Variants in TNK2 observed in about 807,000 individuals in gnomAD.
The protein encoded by TNK2 is tyrosine kinase non receptor 2.
TNK2 carries 83 observed loss-of-function variants against 101.8 expected under a neutral mutation model. The observed-to-expected ratio is 0.82, with a 90% confidence interval of 0.68 to 0.98. The LOEUF (loss-of-function observed/expected upper bound fraction) is 0.98. Ranked by LOEUF, TNK2 falls within the 50% of genes least tolerant of loss-of-function variation. The pLI is 0.00. For missense variants in TNK2, 1,665 were observed against 1,483.2 expected (o/e 1.12, Z -2.01); for synonymous variants, 804 against 633.0 (o/e 1.27, Z -4.06).
At chr3:195,873,840 C>T (rs113282909) in intron 9 of TNK2, among the ~76,000 whole-genome samples, 7,050 of 151,542 alleles carry the variant, frequency 0.047, 188 homozygotes, top group Non-Finnish European at 0.06. Flanking sequence ...GCGCGGGGCG[C>T]GGGGAGACGG....
chr3:195,866,269 C>A (rs1334313833), intron 15 of TNK2, among the ~76,000 whole-genome samples: 2 of 151,988 alleles, frequency 1.3e-5, no homozygotes, highest in African/African-American at 4.8e-5. Context: ...GGTGCAATCT[C>A]AGCTCACAGC....
intron 1 of TNK2, chr3:195,895,572 TC>T (rs1760251409): frequency 7.6e-7 from 1 of 1,313,810 alleles, no homozygotes. Context: ...GGGGCGCGGC[TC>T]CCACCCTCTC....
chr3:195,901,812 C>G (rs1761235753), intron 1 of TNK2, among the ~76,000 whole-genome samples: 1 of 152,196 alleles, frequency 6.6e-6, no homozygotes, highest in African/African-American at 2.4e-5. Context: ...AAAGGTAAAG[C>G]CAGCATTCAG....
At position 195,886,943 on chromosome 3, in the gene TNK2, C is replaced by T. The variant is rs1400265229; in HGVS notation, c.234+34G>A. The T allele has an allele frequency of 7.5e-6, 12 of 1,607,028 alleles. No homozygotes were observed. The highest frequency in any genetic ancestry group is 1.3e-5 in the African/African-American group (1 of 74,772). ...GCGGAGGGGGGCGTTCGAGGCTGCCCCCCTCCCACCTCCTCACCCACCTCC... is the reference window on the plus strand; with the variant it reads ...GCGGAGGGGGGCGTTCGAGGCTGCCTCCCTCCCACCTCCTCACCCACCTCC... On this transcript the variant is annotated intron_variant, in intron 3 of 15. Coordinates refer to ENST00000672887, the MANE Select transcript of TNK2 (RefSeq NM_001382273.1). The surrounding 1 kb of genome is among the most constrained non-coding windows in gnomAD (Gnocchi z 4.2).
At chr3:195,887,828 GCA>G (rs1191045307) in intron 2 of TNK2, among the ~76,000 whole-genome samples, 22 of 130,164 alleles carry the variant, frequency 1.7e-4, no homozygotes, top group Admixed American at 2.9e-4. Context: ...GCGGGTGTGC[GCA>G]CACACGTGTG....
rs1214189598 is a variant in TNK2, at chr3:195,886,691, C to T, written c.234+286G>A. 1.3e-5 allele frequency among the ~76,000 whole-genome samples: 2 copies of T among 152,186 alleles called. No homozygotes were observed. The highest frequency in any genetic ancestry group is 2.9e-5 in the Non-Finnish European group (2 of 68,044). On this transcript the variant is annotated intron_variant, in intron 3 of 15. Coordinates refer to ENST00000672887, the MANE Select transcript of TNK2 (RefSeq NM_001382273.1). The surrounding 1 kb of genome is among the most constrained non-coding windows in gnomAD (Gnocchi z 4.2). ...GACACAGCAGGGCTAAGTTAAGGCACACTTGTCAATGAGGTCCTGTTCCAG... is the reference window on the plus strand; with the variant it reads ...GACACAGCAGGGCTAAGTTAAGGCATACTTGTCAATGAGGTCCTGTTCCAG...
rs79057146 is a variant in TNK2 at position 195,904,228 on chromosome 3, G to A, written c.-19+4257C>T. 3.1e-4 allele frequency among the ~76,000 whole-genome samples: 46 copies of A among 149,848 alleles called. 1 individual carries two copies. Among genetic ancestry groups the A allele is most frequent in the Admixed American group, 2.7e-3 (41 of 15,052 alleles). ...AGCCATGATCACACCACTGCTCTCC[G>A]GCCTGGGAGACAGAGTGAGTGAGAC... On this transcript the variant is annotated intron_variant, in intron 1 of 15. Transcript: ENST00000672887.
At position 195,864,139 on chromosome 3, in the gene TNK2, G is replaced by C; in HGVS notation, c.*42C>G. On this transcript the variant is annotated 3_prime_UTR_variant, in exon 16 of 16. Transcript: ENST00000672887. ...CACTCCTGGTGGACGGACAGGCTCA[G>C]GTGATTCCTTCAGGCAGGCCCTCTG... is the stretch of plus-strand genomic sequence containing the variant. 1 of 1,613,848 alleles carries C rather than the reference G, an allele frequency of 6.2e-7. No homozygotes were observed. The highest frequency in any genetic ancestry group is 8.5e-7 in the Non-Finnish European group (1 of 1,179,800).
At chr3:195,908,076 C>G (rs1165408862) in intron 1 of TNK2, 2 of 152,458 alleles carry the variant, frequency 1.3e-5, no homozygotes, top group Non-Finnish European at 2.9e-5. Flanking sequence ...CCACGCTGCC[C>G]TCTTCCCTTC....
rs1180426627 is a variant in TNK2 at position 195,886,417 on chromosome 3, TCA to T, written c.234+558_234+559del. The T allele has an allele frequency of 6.5e-6, 1 of 152,878 alleles. No homozygotes were observed. Among genetic ancestry groups the T allele is most frequent in the African/African-American group, 2.4e-5 (1 of 41,348 alleles). The allele number at this position is 152,878 out of a possible 1,614,324, so 9.5% of individuals were successfully genotyped here. A position where few individuals can be genotyped will look rare whatever the true frequency, so the allele number is the denominator to read the frequency against. Reference sequence around the variant, plus strand: ...GACCACGGCTGGCTCACTTCCTCTCTCATTGTCTTCCAGACAATGGGCAAAGT... The same window carrying T: ...GACCACGGCTGGCTCACTTCCTCTCTTTGTCTTCCAGACAATGGGCAAAGT... On this transcript the variant is annotated intron_variant, in intron 3 of 15. Transcript: ENST00000672887. This position sits in a 1 kb window ranked among gnomAD's most constrained non-coding sequence, Gnocchi z 4.2.
chr3:195,883,887 A>G (rs1754392937), intron 4 of TNK2: 1 of 152,584 alleles, frequency 6.6e-6, no homozygotes, highest in South Asian at 2.1e-4. Flanking sequence ...TGTAAATGTA[A>G]TGCCAAAAAC....
intron 14 of TNK2, 55 bp from the exon 15 acceptor site, chr3:195,867,071 G>A: frequency 6.2e-7 from 1 of 1,608,672 alleles, no homozygotes; most frequent in East Asian, 2.2e-5. Flanking sequence ...GACTAGGGTG[G>A]GGAAGAGGGG....
intron 9 of TNK2, among the ~76,000 whole-genome samples, chr3:195,873,518 C>G (rs547974708): frequency 4.8e-4 from 65 of 134,950 alleles, no homozygotes; most frequent in Middle Eastern, 4.0e-3. Flanking sequence ...GTGACAGCCC[C>G]GTGGGCAGAG....
intron 12 of TNK2, chr3:195,869,084 T>A: frequency 2.2e-6 from 1 of 463,100 alleles, no homozygotes; most frequent in Non-Finnish European, 3.9e-6. Context: ...GGCACACCAT[T>A]AGTGCAGGCA....
chr3:195,895,682 C>T (rs74450868), intron 1 of TNK2: 79,213 of 1,031,626 alleles, frequency 0.077, 3,444 homozygotes, highest in African/African-American at 0.16. Context: ...GCCCTCAGCC[C>T]GCCTCCAGGG....
chr3:195,868,528 C>T lies in TNK2; in HGVS notation c.1770G>A (p.Glu590=). 6.4e-7 allele frequency: 1 copy of T among 1,562,466 alleles called. No individual in the cohort carries two copies. The highest frequency in any genetic ancestry group is 8.6e-7 in the Non-Finnish European group (1 of 1,162,914). ...GAEVTLIDFG[E]EPVVPALRPC... ...GCCGTAGGGCCGGGACCACGGGCTC[C>T]TCACCGAAGTCGATGAGCGTGACCT... Residue 590 remains glutamate (E), a synonymous_variant, in exon 13 of 16, where the codon GAG becomes GAA. Coordinates refer to ENST00000672887, the MANE Select transcript of TNK2 (RefSeq NM_001382273.1).
chr3:195,891,727 C>T (rs1270325884), intron 1 of TNK2, among the ~76,000 whole-genome samples: 1 of 152,144 alleles, frequency 6.6e-6, no homozygotes, highest in African/African-American at 2.4e-5. Context: ...GTCTCCAGGG[C>T]TCCTCTTCTT....
chr3:195,880,309 G>A (rs1320125053), intron 6 of TNK2, among the ~76,000 whole-genome samples: 1 of 152,094 alleles, frequency 6.6e-6, no homozygotes, highest in Non-Finnish European at 1.5e-5. Flanking sequence ...GCTTACCAAC[G>A]AGTCTTTCCC....
At position 195,878,062 on chromosome 3, in the gene TNK2, A is replaced by G. The variant is rs746328585; in HGVS notation, c.1256+191T>C. On this transcript the variant is annotated intron_variant, in intron 9 of 15. Transcript: ENST00000672887. This position sits in a 1 kb window ranked among gnomAD's most constrained non-coding sequence, Gnocchi z 4.7. ...CCAGTGGGAAAGGGTGGTGGAGGGAAGCTGGGCAGGGAAAGGCACTAGGAA... is the reference window on the plus strand; with the variant it reads ...CCAGTGGGAAAGGGTGGTGGAGGGAGGCTGGGCAGGGAAAGGCACTAGGAA... 8.6e-5 allele frequency among the ~76,000 whole-genome samples: 13 copies of G among 151,764 alleles called. No individual in the cohort carries two copies. The highest frequency in any genetic ancestry group is 1.3e-4 in the Non-Finnish European group (9 of 67,910).
Sources: gnomAD v4.1 joint callset for allele counts (sites outside exome capture counted in the v4.1 genomes callset) on GRCh38, gnomAD v4.1.1 for gene constraint, Gnocchi (gnomAD v3.1) non-coding constraint, MANE v1.5 for transcripts, NCBI Gene and HGNC (gene_info 2026-07-23, HGNC 2026-07-21) for gene names.